The following SORT1 variants were observed in gnomAD, a reference collection of about 807,000 sequenced individuals.
The protein encoded by SORT1 is sortilin.
SORT1 carries 39 observed loss-of-function variants against 101.7 expected under a neutral mutation model. The observed-to-expected ratio is 0.38, with a 90% CI of 0.30 to 0.50. The LOEUF (loss-of-function observed/expected upper bound fraction) is 0.50. Among genes scored for constraint, SORT1 ranks in the 20% least tolerant of loss-of-function variants. SORT1 has a pLI of 0.90. For synonymous variants in SORT1, 396 were observed against 393.7 expected (o/e 1.01, Z -0.07); for missense variants, 878 against 1,040.4 (o/e 0.84, Z 2.15).
Position 109,339,596 on chromosome 1 carries a change from G to C in SORT1, c.1264+1128C>G, listed in dbSNP as rs138194674. On this transcript the variant is annotated intron_variant, in intron 10 of 19. Coordinates refer to ENST00000256637, the MANE Select transcript of SORT1 (RefSeq NM_002959.7). Reference sequence around the variant, plus strand: ...TGTTACAAAAATAGGAGAATATAATGTGTTTGCAATGAAGTAGAGAAATTG... The same window carrying C: ...TGTTACAAAAATAGGAGAATATAATCTGTTTGCAATGAAGTAGAGAAATTG... Among the ~76,000 whole-genome samples the C allele has an allele frequency of 1.6e-3, 241 of 152,306 alleles. 6 individuals carry two copies. In the East Asian group the frequency reaches 0.04, roughly 25 times the overall value.
At chr1:109,347,636 C>A in intron 6 of SORT1, 104 bp from the exon 7 acceptor site, 1 of 755,872 alleles carries the variant, frequency 1.3e-6, no homozygotes, top group South Asian at 1.5e-5. Flanking sequence ...GCTTCATTCA[C>A]AGGCACTGAC....
intron 10 of SORT1, among the ~76,000 whole-genome samples, chr1:109,337,886 A>G (rs1295380668): frequency 1.3e-5 from 2 of 152,198 alleles, no homozygotes; most frequent in Non-Finnish European, 2.9e-5. Flanking sequence ...TTGGTCTCCC[A>G]AAGTGCTAGG....
At chr1:109,333,659 C>T (rs1648606909) in intron 11 of SORT1, among the ~76,000 whole-genome samples, 1 of 152,094 alleles carries the variant, frequency 6.6e-6, no homozygotes, top group Admixed American at 6.5e-5. Flanking sequence ...TGCCCAACAT[C>T]ACTAATCATG....
Position 109,317,840 on chromosome 1 carries a change from A to G in SORT1, c.2141+13T>C, listed in dbSNP as rs1388313992. On this transcript the variant is annotated intron_variant, in intron 16 of 19. Coordinates refer to ENST00000256637, the MANE Select transcript of SORT1 (RefSeq NM_002959.7). ...CCTCATCCATCGTGACAAGGGAGAAAAGGCCACCTCACCCATTTGTTGTTA... is the reference window on the plus strand; with the variant it reads ...CCTCATCCATCGTGACAAGGGAGAAGAGGCCACCTCACCCATTTGTTGTTA... 1 of 1,541,944 alleles carries G rather than the reference A, an allele frequency of 6.5e-7. No individual in the cohort carries two copies. The highest frequency in any genetic ancestry group is 1.1e-5 in the South Asian group (1 of 89,318).
At chr1:109,332,015 T>A (rs1648493435) in intron 11 of SORT1, among the ~76,000 whole-genome samples, 1 of 142,454 alleles carries the variant, frequency 7.0e-6, no homozygotes, top group Admixed American at 7.6e-5. Flanking sequence ...TACAAAACAT[T>A]GATGAAAGAA....
intron 5 of SORT1, among the ~76,000 whole-genome samples, chr1:109,351,944 C>T (rs1463298117): frequency 6.7e-6 from 1 of 148,828 alleles, no homozygotes; most frequent in Non-Finnish European, 1.5e-5. Context: ...ACTTCTCCTG[C>T]AGGGCAGGAT....
chr1:109,367,401 A>G lies in SORT1; in HGVS notation c.440+7T>C, dbSNP rs1362871145. On this transcript the variant is annotated splice_region_variant and intron_variant, in intron 3 of 19. Transcript: ENST00000256637. Reference sequence around the variant, plus strand: ...TGAAATGCTCCAACGCGTGTTATTGATCTCACCTTCGATATAGCTTGGACT... The same window carrying G: ...TGAAATGCTCCAACGCGTGTTATTGGTCTCACCTTCGATATAGCTTGGACT... 5.8e-6 allele frequency: 9 copies of G among 1,542,678 alleles called. No homozygotes were observed. The highest frequency in any genetic ancestry group is 1.7e-5 in the Admixed American group (1 of 57,984).
chr1:109,319,854 G>A (rs1427676263), intron 15 of SORT1, among the ~76,000 whole-genome samples: 3 of 150,080 alleles, frequency 2.0e-5, no homozygotes, highest in African/African-American at 7.3e-5. Context: ...GCGACAGCAC[G>A]AGACTCCGTC....
intron 8 of SORT1, among the ~76,000 whole-genome samples, chr1:109,344,246 C>T (rs1014014043): frequency 2.0e-5 from 3 of 152,162 alleles, no homozygotes; most frequent in Non-Finnish European, 4.4e-5. Context: ...GCTGCTTCTG[C>T]GCGTGCCCCT....
At chr1:109,330,561 C>T (rs1222835279) in intron 11 of SORT1, among the ~76,000 whole-genome samples, 1 of 151,974 alleles carries the variant, frequency 6.6e-6, no homozygotes, top group Non-Finnish European at 1.5e-5. Context: ...TAACTTTATA[C>T]CTCAAGGAAC....
At chr1:109,326,512 TAC>T (rs1648071559) in intron 13 of SORT1, among the ~76,000 whole-genome samples, 1 of 83,376 alleles carries the variant, frequency 1.2e-5, no homozygotes, top group South Asian at 3.7e-4. Flanking sequence ...TATACACACA[TAC>T]ACATATATAT....
At chr1:109,368,255 C>A (rs928299542) in intron 2 of SORT1, among the ~76,000 whole-genome samples, 4 of 143,498 alleles carry the variant, frequency 2.8e-5, no homozygotes, top group African/African-American at 5.3e-5. Flanking sequence ...GATTGCACCA[C>A]TGCTCTCCAG....
intron 17 of SORT1, 113 bp from the exon 18 acceptor site, chr1:109,314,891 G>A (rs549681193): frequency 6.6e-6 from 4 of 607,268 alleles, no homozygotes; most frequent in Non-Finnish European, 1.2e-5. Context: ...CAGTCCTGAT[G>A]CGCTTAATGA....
chr1:109,393,508 A>G (rs1653029898), intron 1 of SORT1, among the ~76,000 whole-genome samples: 1 of 152,210 alleles, frequency 6.6e-6, no homozygotes, highest in Admixed American at 6.5e-5. Flanking sequence ...CTTACAGCAG[A>G]AATGTTTTGA....
intron 15 of SORT1, among the ~76,000 whole-genome samples, chr1:109,320,041 T>G (rs945372361): frequency 6.6e-6 from 1 of 152,030 alleles, no homozygotes; most frequent in Non-Finnish European, 1.5e-5. Flanking sequence ...GCTGCACTCA[T>G]CTGTTTCTCT....
chr1:109,350,208 A>G (rs1649868833), intron 6 of SORT1, among the ~76,000 whole-genome samples: 2 of 152,252 alleles, frequency 1.3e-5, no homozygotes, highest in Admixed American at 6.5e-5. Context: ...AAGAGGCTCT[A>G]AACAACATTC....
chr1:109,392,138 T>C (rs1652951808), intron 1 of SORT1, among the ~76,000 whole-genome samples: 1 of 151,964 alleles, frequency 6.6e-6, no homozygotes, highest in South Asian at 2.1e-4. Context: ...TCACTTTCTG[T>C]AAAAAAAATT....
intron 5 of SORT1, among the ~76,000 whole-genome samples, chr1:109,353,796 A>G (rs1204266885): frequency 6.6e-6 from 1 of 152,204 alleles, no homozygotes; most frequent in African/African-American, 2.4e-5. Context: ...CTGGTCCTCC[A>G]GGAAAGGAGA....
At chr1:109,315,107 G>C (rs1658952499) in intron 17 of SORT1, among the ~76,000 whole-genome samples, 1 of 152,182 alleles carries the variant, frequency 6.6e-6, no homozygotes, top group Non-Finnish European at 1.5e-5. Flanking sequence ...TGGGGCTTAA[G>C]GGTGGAGTAG....
Sources: gnomAD v4.1 joint callset for allele counts (sites outside exome capture counted in the v4.1 genomes callset) on GRCh38, gnomAD v4.1.1 for gene constraint, MANE v1.5 for transcripts, NCBI Gene and HGNC (gene_info 2026-07-23, HGNC 2026-07-21) for gene names.